Variants in RPP30 observed in about 807,000 individuals in gnomAD.
The protein encoded by RPP30 is ribonuclease P/MRP subunit p30, also known as ribonuclease P protein subunit p30.
RPP30 carries 36 observed loss-of-function variants against 38.6 expected under a neutral mutation model. The ratio of observed to expected loss-of-function variants is 0.93; its 90% CI spans 0.71 to 1.23. RPP30 has a LOEUF of 1.23. Ranked by LOEUF, RPP30 falls within the 50% of genes most tolerant of loss-of-function variation. RPP30 has a pLI of 0.00. For missense variants in RPP30, 321 were observed against 321.7 expected, an observed-to-expected ratio of 1.00 and a Z score of 0.02; for synonymous variants, 126 against 112.7, an observed-to-expected ratio of 1.12 and a Z score of -0.75.
downstream of RPP30, among the ~76,000 whole-genome samples, chr10:90,906,382 A>G (rs147120261): frequency 6.6e-6 from 1 of 152,332 alleles, no homozygotes; most frequent in East Asian, 1.9e-4. Context: ...TTTTTAAGGA[A>G]CTGAAAATTT....
intron 5 of RPP30, among the ~76,000 whole-genome samples, chr10:90,881,230 C>T (rs530644476): frequency 6.6e-5 from 10 of 152,234 alleles, no homozygotes; most frequent in South Asian, 6.2e-4. Flanking sequence ...TTAACTTTTA[C>T]GACAATCCCG....
At chr10:90,893,923 G>T (rs1847110266) in intron 6 of RPP30, among the ~76,000 whole-genome samples, 1 of 152,176 alleles carries the variant, frequency 6.6e-6, no homozygotes, top group Non-Finnish European at 1.5e-5. Context: ...TAGGAAAGCT[G>T]AACAGTATGG....
downstream of RPP30, chr10:90,903,301 C>G (rs752864320): frequency 1.3e-6 from 2 of 1,485,578 alleles, no homozygotes; most frequent in East Asian, 2.3e-5. Context: ...ATACATTTAT[C>G]TATTTTAAGC....
In RPP30 at chr10:90,901,861, C is replaced by T; in HGVS notation, c.*1182C>T. 12 of 849,692 alleles carry T rather than the reference C, an allele frequency of 1.4e-5. No homozygotes were observed. Among genetic ancestry groups the T allele is most frequent in the Non-Finnish European group, 1.7e-5 (12 of 707,382 alleles). 52.6% of individuals were successfully genotyped at this position (849,692 alleles called of 1,614,324 possible). On this transcript the variant is annotated 3_prime_UTR_variant, in exon 11 of 11. Transcript: ENST00000371703. ...TTTGAGACAGTCTCGCTCTGTCCCC[C>T]AGGCTGGAGTGCAGTGGCTCGATCT...
At chr10:90,903,355 C>A, downstream of RPP30, 2 of 796,930 alleles carry the variant, frequency 2.5e-6, no homozygotes, top group Non-Finnish European at 4.2e-6. Context: ...TTGCGACGTC[C>A]CACCTTAATT....
intron 7 of RPP30, 86 bp downstream of exon 7, chr10:90,894,977 C>A: frequency 1.1e-6 from 1 of 941,930 alleles, no homozygotes. Context: ...GACTCCTTTT[C>A]CTTAAAGCAG....
intron 4 of RPP30, among the ~76,000 whole-genome samples, chr10:90,877,021 C>T (rs879317479): frequency 2.0e-5 from 3 of 151,900 alleles, no homozygotes; most frequent in African/African-American, 4.8e-5. Context: ...CAAAAGAGCC[C>T]GTCAAAAAAG....
chr10:90,887,184 T>G (rs1437718840), intron 6 of RPP30, among the ~76,000 whole-genome samples: 1 of 151,702 alleles, frequency 6.6e-6, no homozygotes, highest in Non-Finnish European at 1.5e-5. Context: ...CCCAGGCTGG[T>G]CTCAAACTCC....
At chr10:90,879,171 AT>A in intron 5 of RPP30, 37 bp downstream of exon 5, 2 of 1,499,060 alleles carry the variant, frequency 1.3e-6, no homozygotes, top group Non-Finnish European at 1.9e-6. Context: ...TAGTGTATAT[AT>A]GTTATATAAG....
intron 5 of RPP30, among the ~76,000 whole-genome samples, chr10:90,885,508 T>C (rs1432312999): frequency 6.6e-6 from 1 of 152,256 alleles, no homozygotes; most frequent in Non-Finnish European, 1.5e-5. Flanking sequence ...TTCCAGAAAC[T>C]GAGCCTCGCT....
chr10:90,902,991 A>G (rs1344527906), downstream of RPP30, among the ~76,000 whole-genome samples: 1 of 152,212 alleles, frequency 6.6e-6, no homozygotes, highest in Non-Finnish European at 1.5e-5. Context: ...TTTTTTAAAT[A>G]TGAAAATTGA....
Position 90,901,609 on chromosome 10 carries a change from T to C in RPP30, c.*930T>C. On this transcript the variant is annotated 3_prime_UTR_variant, in exon 11 of 11. Transcript: ENST00000371703. ...ATTTTCCTGATAGCTGTATTAAAAA[T>C]AGCAAAGCATCGGACTGAACCAACT... is the stretch of plus-strand genomic sequence containing the variant. The C allele has an allele frequency of 2.0e-6, 2 of 985,134 alleles. No homozygotes were observed. The highest frequency in any genetic ancestry group is 2.4e-6 in the Non-Finnish European group (2 of 829,690). 61.0% of individuals were successfully genotyped at this position (985,134 alleles called of 1,614,324 possible). A position where few individuals can be genotyped will look rare whatever the true frequency, so the allele number is the denominator to read the frequency against.
chr10:90,872,003 A>AT lies in RPP30; in HGVS notation c.20dup (p.Leu7PhefsTer8). 1.2e-6 allele frequency: 2 copies of AT among 1,613,996 alleles called. No individual in the cohort carries two copies. Among genetic ancestry groups the AT allele is most frequent in the Non-Finnish European group, 1.7e-6 (2 of 1,179,952 alleles). ...GACTTCAGCATGGCGGTGTTTGCAG[A>AT]TTTGGACCTGCGAGCGGGTTCTGAC... On this transcript the variant is annotated frameshift_variant, in exon 1 of 11. Transcript: ENST00000371703. LOFTEE classifies it high-confidence loss of function.
intron 3 of RPP30, 40 bp from the exon 4 acceptor site, chr10:90,875,984 G>T: frequency 8.8e-7 from 1 of 1,140,024 alleles, no homozygotes; most frequent in Non-Finnish European, 1.3e-6. Context: ...ATCAATTATT[G>T]TCTTTTGTGC....
chr10:90,902,323 T>C, downstream of RPP30: 1 of 386,204 alleles, frequency 2.6e-6, no homozygotes, highest in Non-Finnish European at 5.1e-6. Flanking sequence ...GCTCAAGCCA[T>C]CCTCCCACCT....
At chr10:90,874,846 A>G in intron 1 of RPP30, 23 bp from the exon 2 acceptor site, 1 of 1,567,360 alleles carries the variant, frequency 6.4e-7, no homozygotes. Flanking sequence ...ATTTAACAAA[A>G]GTGTTCAATT....
intron 6 of RPP30, among the ~76,000 whole-genome samples, chr10:90,888,202 G>T (rs892443524): frequency 6.6e-6 from 1 of 152,130 alleles, no homozygotes; most frequent in African/African-American, 2.4e-5. Context: ...TCATCTTAAT[G>T]AACTAGGAAG....
chr10:90,895,486 A>G lies in RPP30; in HGVS notation c.579+3A>G. 8.5e-6 allele frequency: 12 copies of G among 1,403,968 alleles called. No homozygotes were observed. The highest frequency in any genetic ancestry group is 1.1e-5 in the Non-Finnish European group (12 of 1,064,288). 87.0% of individuals were successfully genotyped at this position (1,403,968 alleles called of 1,614,324 possible). ...TTATATCTAGTGCTGCAGAAAGGGT[A>G]AGTCTAGCATGAAGTACTTTGTTTT... is the stretch of plus-strand genomic sequence containing the variant. On this transcript the variant is annotated splice_donor_region_variant and intron_variant, in intron 8 of 10. Transcript: ENST00000371703.
intron 10 of RPP30, among the ~76,000 whole-genome samples, chr10:90,899,927 TA>T (rs572121372): frequency 2.7e-4 from 41 of 152,364 alleles, no homozygotes; most frequent in Admixed American, 2.7e-3. Flanking sequence ...AAAAATTGGT[TA>T]AATTTAAGTT....
Sources: gnomAD v4.1 joint callset for allele counts (sites outside exome capture counted in the v4.1 genomes callset) on GRCh38, gnomAD v4.1.1 for gene constraint, MANE v1.5 for transcripts, NCBI Gene and HGNC (gene_info 2026-07-23, HGNC 2026-07-21) for gene names.